LAMA3: variants seen among roughly 807,000 people sequenced by gnomAD.
LAMA3 encodes the protein laminin subunit alpha 3, also known as laminin subunit alpha-3.
A neutral mutation model predicts 402.0 loss-of-function variants in LAMA3; 281 were observed. The ratio of observed to expected loss-of-function variants is 0.70; its 90% CI spans 0.63 to 0.77. The LOEUF (loss-of-function observed/expected upper bound fraction) is 0.77, where lower values mean the gene tolerates loss of function less well. Among genes scored for constraint, LAMA3 ranks in the 30% least tolerant of loss-of-function variants. The pLI is 0.00. For missense variants in LAMA3, 3,840 were observed against 4,215.5 expected, an observed-to-expected ratio of 0.91 and a Z score of 2.47; for synonymous variants, 1,431 against 1,558.4, an observed-to-expected ratio of 0.92 and a Z score of 1.93.
chr18:23,898,614 TTG>T (rs2080958561), intron 44 of LAMA3, 122 bp from the exon 45 acceptor site: 23 of 729,598 alleles, frequency 3.2e-5, no homozygotes, highest in Admixed American at 5.8e-5. Context: ...AGAACCACAT[TTG>T]TGTGTGTGTG....
rs34691495 is a variant in LAMA3 at position 23,699,024 on chromosome 18, T to TAGAGAGAGAGAGAGAGAG, written c.294+9061_294+9078dup. On this transcript the variant is annotated intron_variant, in intron 1 of 74. Transcript: ENST00000313654. ...AGTTTGGGAGGCTGAGGCGGGCAGA[T>TAGAGAGAGAGAGAGAGAG]AGAGAGAGAGAGAGAGAGAGAGAGA... Among the ~76,000 whole-genome samples the TAGAGAGAGAGAGAGAGAG allele has an allele frequency of 3.2e-4, 45 of 142,562 alleles. 1 individual carries two copies. Among genetic ancestry groups the TAGAGAGAGAGAGAGAGAG allele is most frequent in the African/African-American group, 1.2e-3 (45 of 37,254 alleles). 93.5% of individuals were successfully genotyped at this position (142,562 alleles called of 152,430 possible).
In LAMA3 at chr18:23,842,723, G is replaced by A. The variant is rs769953226; in HGVS notation, c.3576G>A (p.Lys1192=). Reference sequence around the variant, plus strand: ...AGCCTGAAGTGGCCGCAACTGTGAAGGTTCCAGAAGGAAAGTCCTTGGTTT... The same window carrying A: ...AGCCTGAAGTGGCCGCAACTGTGAAAGTTCCAGAAGGAAAGTCCTTGGTTT... ...ISEPEVAATV[K]VPEGKSLVLV... The change falls in exon 29 of 75, where the codon AAG becomes AAA. Residue 1192 remains lysine, a synonymous_variant. Coordinates refer to ENST00000313654, the MANE Select transcript of LAMA3 (RefSeq NM_198129.4). 25 of 1,614,114 alleles carry A rather than the reference G, an allele frequency of 1.5e-5. No individual in the cohort carries two copies. The Admixed American group carries it at 2.7e-4, about 17-fold the overall frequency.
intron 20 of LAMA3, 90 bp from the exon 21 acceptor site, chr18:23,824,333 A>C (rs2063340377): frequency 7.4e-7 from 1 of 1,357,298 alleles, no homozygotes; most frequent in East Asian, 2.3e-5. Flanking sequence ...ACTTTTTGAG[A>C]TGTAAACTGA....
In LAMA3 at chr18:23,901,169, A is replaced by G; in HGVS notation, c.6047A>G (p.Glu2016Gly). The G allele has an allele frequency of 6.2e-7, 1 of 1,614,196 alleles. No individual in the cohort carries two copies. Among genetic ancestry groups the G allele is most frequent in the Middle Eastern group, 1.7e-4 (1 of 6,060 alleles). Residue 2016 changes from glutamate to glycine, a missense_variant, in exon 48 of 75, where the codon GAG becomes GGG. This residue lies in a region of LAMA3 where 891 missense variants were observed against 857.5 expected (regional missense o/e 1.04). Transcript: ENST00000313654. ...ACCTGGCAGAAAACCCACCAGGGGG[A>G]GAACAATGGGCTTGCTAACAGTATC... ...IRTWQKTHQG[E>G]NNGLANSIRD...
intron 24 of LAMA3, among the ~76,000 whole-genome samples, chr18:23,835,314 A>T (rs1182973445): frequency 6.6e-6 from 1 of 152,238 alleles, no homozygotes; most frequent in African/African-American, 2.4e-5. Context: ...GGCAGGAGGA[A>T]CTATTCATAA....
At chr18:23,885,013 A>G (rs1289069021) in intron 41 of LAMA3, among the ~76,000 whole-genome samples, 160 bp downstream of exon 41, 2 of 152,082 alleles carry the variant, frequency 1.3e-5, no homozygotes, top group Non-Finnish European at 2.9e-5. Context: ...TCACCTAATA[A>G]ATCATTAATA....
chr18:23,764,365 C>T (rs2062033624), intron 8 of LAMA3, among the ~76,000 whole-genome samples: 1 of 152,158 alleles, frequency 6.6e-6, no homozygotes, highest in Admixed American at 6.5e-5. Flanking sequence ...CAGGATAAGG[C>T]TAAGCACTAT....
chr18:23,910,771 A>G (rs1262129486), intron 55 of LAMA3, among the ~76,000 whole-genome samples: 1 of 152,266 alleles, frequency 6.6e-6, no homozygotes, highest in Non-Finnish European at 1.5e-5. Context: ...GTGTATCAAC[A>G]TGAATAAATC....
chr18:23,809,357 A>G (rs2063022724), intron 12 of LAMA3, among the ~76,000 whole-genome samples: 1 of 152,190 alleles, frequency 6.6e-6, no homozygotes, highest in African/African-American at 2.4e-5. Context: ...TTTATTAGAG[A>G]CTAATCCATT....
chr18:23,842,769 T>G lies in LAMA3; in HGVS notation c.3603+19T>G. 6.2e-7 allele frequency: 1 copy of G among 1,614,010 alleles called. No individual in the cohort carries two copies. The highest frequency in any genetic ancestry group is 8.5e-7 in the Non-Finnish European group (1 of 1,179,984). On this transcript the variant is annotated intron_variant, in intron 29 of 74. Transcript: ENST00000313654. ...GGTTTTGGTGCGTTCCACTCGTTCC[T>G]CAACTTGCTCCTCACATGCCTGCCT...
chr18:23,715,712 G>T (rs2061085942), intron 2 of LAMA3, among the ~76,000 whole-genome samples: 1 of 152,260 alleles, frequency 6.6e-6, no homozygotes, highest in Non-Finnish European at 1.5e-5. Context: ...AACTGAGTTT[G>T]TTATGTTGAT....
Position 23,884,902 on chromosome 18 carries a change from G to C in LAMA3, c.5303+49G>C, listed in dbSNP as rs563111395. 679 of 1,460,736 alleles carry C rather than the reference G, an allele frequency of 4.6e-4. 1 individual carries two copies. Among genetic ancestry groups the C allele is most frequent in the Non-Finnish European group, 5.0e-4 (530 of 1,057,076 alleles). 90.5% of individuals were successfully genotyped at this position (1,460,736 alleles called of 1,614,324 possible). A position where few individuals can be genotyped will look rare whatever the true frequency, so the allele number is the denominator to read the frequency against. The stretch of plus-strand genomic sequence containing the variant: ...TCAGCCTGCAGAGGGGGCGGGGAGG[G>C]CTGTGGGTGGGGCTGCCAGGTGCTG... On this transcript the variant is annotated intron_variant, in intron 41 of 74. Coordinates refer to ENST00000313654, the MANE Select transcript of LAMA3 (RefSeq NM_198129.4).
At chr18:23,857,728 G>A (rs756650082) in intron 32 of LAMA3, 116 bp from the exon 33 acceptor site, 30 of 1,271,560 alleles carry the variant, frequency 2.4e-5, no homozygotes, top group Middle Eastern at 1.8e-4. Context: ...CTATAAGCAG[G>A]CATTGTATCT....
chr18:23,809,812 A>G (rs1371958312), intron 12 of LAMA3, among the ~76,000 whole-genome samples: 1 of 152,216 alleles, frequency 6.6e-6, no homozygotes, highest in Non-Finnish European at 1.5e-5. Flanking sequence ...GAAAAGAGGT[A>G]TAAAGAGAGG....
At chr18:23,711,156 A>G (rs927574281) in intron 1 of LAMA3, among the ~76,000 whole-genome samples, 2 of 152,228 alleles carry the variant, frequency 1.3e-5, no homozygotes, top group African/African-American at 4.8e-5. Context: ...TTACCTGGGC[A>G]AAGCTCGCTC....
At chr18:23,698,407 G>A (rs1425434298) in intron 1 of LAMA3, among the ~76,000 whole-genome samples, 10 of 151,996 alleles carry the variant, frequency 6.6e-5, no homozygotes, top group South Asian at 2.1e-4. Flanking sequence ...GGGTTTCACC[G>A]TGTTAGACAG....
chr18:23,758,369 T>A (rs1475855654), intron 6 of LAMA3, 27 bp from the exon 7 acceptor site: 3 of 1,568,628 alleles, frequency 1.9e-6, no homozygotes, highest in African/African-American at 2.7e-5. Flanking sequence ...TTTCAATAAC[T>A]GAGATGCACT....
At chr18:23,825,467 G>GT (rs2063363417) in intron 21 of LAMA3, among the ~76,000 whole-genome samples, 1 of 152,230 alleles carries the variant, frequency 6.6e-6, no homozygotes, top group Non-Finnish European at 1.5e-5. Flanking sequence ...TTCCAATCCT[G>GT]TCTCTTCCAG....
intron 1 of LAMA3, among the ~76,000 whole-genome samples, chr18:23,702,670 G>A (rs1389299715): frequency 6.6e-6 from 1 of 152,012 alleles, no homozygotes; most frequent in Non-Finnish European, 1.5e-5. Flanking sequence ...TCACAGGCTG[G>A]TGGTGCCCAG....
Sources: allele counts gnomAD v4.1 joint callset (sites outside exome capture counted in the v4.1 genomes callset), GRCh38; gene constraint gnomAD v4.1.1; regional missense constraint gnomAD v4.1.1; transcripts MANE v1.5; gene names NCBI Gene and HGNC (gene_info 2026-07-23, HGNC 2026-07-21).